DLC1: variants seen among roughly 807,000 people sequenced by gnomAD.
DLC1 encodes rho GTPase-activating protein 7.
Under a neutral mutation model 140.3 loss-of-function variants are expected in DLC1, and 54 were observed. The ratio of observed to expected loss-of-function variants is 0.38; its 90% CI spans 0.31 to 0.48. The LOEUF is 0.48. DLC1 is among the 20% of genes least tolerant of loss of function. DLC1 has a pLI of 0.96. For synonymous variants in DLC1, 986 were observed against 728.1 expected, an observed-to-expected ratio of 1.35 and a Z score of -5.70; for missense variants, 2,536 against 1,907.0, an observed-to-expected ratio of 1.33 and a Z score of -6.14.
chr8:13,368,831 T>G (rs986949360), intron 4 of DLC1, among the ~76,000 whole-genome samples: 2 of 152,102 alleles, frequency 1.3e-5, no homozygotes, highest in African/African-American at 2.4e-5. Context: ...TGATGGTTAT[T>G]TATTTATTTT....
intron 1 of DLC1, chr8:13,567,519 C>T (rs1462623371): frequency 6.4e-7 from 1 of 1,551,814 alleles, no homozygotes; most frequent in Non-Finnish European, 8.7e-7. Context: ...TGAACAGAAT[C>T]TACTTTAAAA....
chr8:13,211,784 T>C (rs1827955181), intron 5 of DLC1, among the ~76,000 whole-genome samples: 1 of 151,970 alleles, frequency 6.6e-6, no homozygotes, highest in Non-Finnish European at 1.5e-5. Context: ...AACTATAGAG[T>C]AGAAATAAAA....
intron 2 of DLC1, among the ~76,000 whole-genome samples, chr8:13,457,063 T>C (rs977095490): frequency 1.3e-5 from 2 of 152,178 alleles, no homozygotes; most frequent in Non-Finnish European, 1.5e-5. Context: ...TCTTTGTTTT[T>C]GATTCAATTC....
At chr8:13,087,720 G>C (rs1403140289) in intron 16 of DLC1, among the ~76,000 whole-genome samples, 2 of 152,192 alleles carry the variant, frequency 1.3e-5, no homozygotes, top group Non-Finnish European at 2.9e-5. Flanking sequence ...AGGAGCGCTG[G>C]CTGTTTGAAA....
chr8:13,579,627 T>C (rs1267552704), intron 1 of DLC1, among the ~76,000 whole-genome samples: 1 of 136,566 alleles, frequency 7.3e-6, no homozygotes, highest in South Asian at 2.1e-4. Context: ...ATTATATATT[T>C]ATAATATATT....
chr8:13,137,242 A>C (rs1463405064), intron 5 of DLC1, among the ~76,000 whole-genome samples: 1 of 151,998 alleles, frequency 6.6e-6, no homozygotes, highest in African/African-American at 2.4e-5. Context: ...TCAACTCATC[A>C]CTCAAGGTTT....
At chr8:13,333,860 A>C (rs1244465638) in intron 4 of DLC1, among the ~76,000 whole-genome samples, 1 of 152,192 alleles carries the variant, frequency 6.6e-6, no homozygotes, top group African/African-American at 2.4e-5. Context: ...TAGCAAACAC[A>C]GAGTTATTCA....
chr8:13,267,226 A>T (rs150462867), intron 5 of DLC1, among the ~76,000 whole-genome samples: 98 of 152,286 alleles, frequency 6.4e-4, no homozygotes, highest in Admixed American at 1.6e-3. Context: ...ATACTTTTAG[A>T]CCTGAAATGG....
At position 13,083,936 on chromosome 8, in the gene DLC1, TTAA is replaced by T. The variant is rs1333073323; in HGVS notation, c.*1872_*1874del. The T allele has an allele frequency of 5.9e-5, 9 of 152,656 alleles. No individual in the cohort carries two copies. The highest frequency in any genetic ancestry group is 5.9e-4 in the Admixed American group (9 of 15,284). 9.5% of individuals were successfully genotyped at this position (152,656 alleles called of 1,614,324 possible). On this transcript the variant is annotated 3_prime_UTR_variant, in exon 18 of 18. Transcript: ENST00000276297. ...CAGACTTTTCCCTTACTTTAAACAT[TTAA>T]TAATAGTGCACTTATTGATTATAAT...
intron 13 of DLC1, among the ~76,000 whole-genome samples, chr8:13,091,786 G>A (rs1227160508): frequency 6.6e-6 from 1 of 152,002 alleles, no homozygotes; most frequent in Non-Finnish European, 1.5e-5. Flanking sequence ...TGGAGTAAAG[G>A]GTGTCATCAT....
chr8:13,276,350 G>C, intron 5 of DLC1: 2 of 1,525,358 alleles, frequency 1.3e-6, no homozygotes, highest in Non-Finnish European at 1.8e-6. Context: ...AGGACCTCCG[G>C]AGAGGGGCTC....
At position 13,358,978 on chromosome 8, in the gene DLC1, G is replaced by T. The variant is rs554817381; in HGVS notation, c.1314+34575C>A. ...CTTTGAGGTGGAGTCTTGCTCTGTC[G>T]CCCACGCTGGAGTGCAGTGGCGCGA... On this transcript the variant is annotated intron_variant, in intron 4 of 17. Coordinates refer to ENST00000276297, the MANE Select transcript of DLC1 (RefSeq NM_182643.3). Among the ~76,000 whole-genome samples, 11 of 123,454 alleles carry T rather than the reference G, an allele frequency of 8.9e-5. No individual in the cohort carries two copies. The East Asian group carries it at 4.0e-3, about 45-fold the overall frequency. The allele number at this position is 123,454 out of a possible 152,430, so 81.0% of individuals were successfully genotyped here. A position where few individuals can be genotyped will look rare whatever the true frequency, so the allele number is the denominator to read the frequency against.
At chr8:13,145,452 C>A (rs1292668021) in intron 5 of DLC1, among the ~76,000 whole-genome samples, 2 of 152,096 alleles carry the variant, frequency 1.3e-5, no homozygotes, top group African/African-American at 2.4e-5. Context: ...GTTACTACAA[C>A]TTCTTAAGAA....
intron 4 of DLC1, among the ~76,000 whole-genome samples, chr8:13,307,334 T>G (rs1300453425): frequency 6.6e-6 from 1 of 152,164 alleles, no homozygotes; most frequent in Non-Finnish European, 1.5e-5. Flanking sequence ...TCCTGGGCAT[T>G]CTTTCATTTG....
chr8:13,456,910 A>G (rs576660317), intron 2 of DLC1, among the ~76,000 whole-genome samples: 5 of 152,322 alleles, frequency 3.3e-5, no homozygotes, highest in African/African-American at 1.2e-4. Context: ...GGAGAAAATC[A>G]ATTAAATCGG....
At chr8:13,569,387 A>G (rs927270946) in intron 1 of DLC1, among the ~76,000 whole-genome samples, 1 of 152,124 alleles carries the variant, frequency 6.6e-6, no homozygotes, top group East Asian at 1.9e-4. Flanking sequence ...AAAATTTAGC[A>G]TATTTCCCCT....
chr8:13,347,066 T>C (rs530223069), intron 4 of DLC1, among the ~76,000 whole-genome samples: 10 of 152,218 alleles, frequency 6.6e-5, no homozygotes, highest in Non-Finnish European at 1.5e-4. Context: ...AACTAAACTT[T>C]ATCATATGAT....
At chr8:13,344,880 TTGTG>T (rs1834254397) in intron 4 of DLC1, among the ~76,000 whole-genome samples, 1 of 152,206 alleles carries the variant, frequency 6.6e-6, no homozygotes, top group Non-Finnish European at 1.5e-5. Flanking sequence ...CAAAAACTAA[TTGTG>T]TGCACACTTT....
At chr8:13,569,505 G>A (rs1007533262) in intron 1 of DLC1, among the ~76,000 whole-genome samples, 2 of 151,966 alleles carry the variant, frequency 1.3e-5, no homozygotes, top group Non-Finnish European at 1.5e-5. Context: ...ATATATTCAT[G>A]TTTTACATAA....
Sources: gnomAD v4.1 joint callset for allele counts (sites outside exome capture counted in the v4.1 genomes callset) on GRCh38, gnomAD v4.1.1 for gene constraint, MANE v1.5 for transcripts, NCBI Gene and HGNC (gene_info 2026-07-23, HGNC 2026-07-21) for gene names.